LANCL3: variants seen among roughly 807,000 people sequenced by gnomAD.
LANCL3 encodes lanC-like protein 3.
LANCL3 carries 19 observed loss-of-function variants against 26.5 expected under a neutral mutation model. The observed-to-expected ratio is 0.72, with a 90% CI of 0.50 to 1.05. LANCL3 has a LOEUF of 1.05. LANCL3 is among the 50% of genes least tolerant of loss of function. The pLI is 0.00. For synonymous variants in LANCL3, 160 were observed against 166.6 expected, an observed-to-expected ratio of 0.96 and a Z score of 0.30; for missense variants, 318 against 362.7, an observed-to-expected ratio of 0.88 and a Z score of 1.00.
intron 4 of LANCL3, among the ~76,000 whole-genome samples, chrX:37,674,305 CTT>C (rs1424478302): frequency 8.9e-6 from 1 of 111,866 alleles, no homozygotes; most frequent in Admixed American, 9.5e-5. Flanking sequence ...TCATATTACT[CTT>C]GTTGCAGATA....
chrX:37,583,864 T>A (rs782506465), intron 1 of LANCL3, among the ~76,000 whole-genome samples: 102 of 111,550 alleles, frequency 9.1e-4, no homozygotes, highest in African/African-American at 2.6e-3. Flanking sequence ...GTTGAATAGG[T>A]GTGGTGAGAG....
At chrX:37,575,936 A>G (rs1420668816) in intron 1 of LANCL3, among the ~76,000 whole-genome samples, 2 of 112,556 alleles carry the variant, frequency 1.8e-5, no homozygotes, top group African/African-American at 3.2e-5. Context: ...TTGTAGAGAC[A>G]GTAATAGTTG....
At position 37,683,541 on chromosome X, in the gene LANCL3, T is replaced by C. The variant is rs1926988878; in HGVS notation, c.*7728T>C. 8.9e-6 allele frequency: 1 copy of C among 112,076 alleles called. No individual in the cohort carries two copies. Among genetic ancestry groups the C allele is most frequent in the Non-Finnish European group, 1.9e-5 (1 of 53,154 alleles). 9.2% of individuals were successfully genotyped at this position (112,076 alleles called of 1,213,427 possible). A position where few individuals can be genotyped will look rare whatever the true frequency, so the allele number is the denominator to read the frequency against. On this transcript the variant is annotated 3_prime_UTR_variant, in exon 5 of 5. Transcript: ENST00000378619. ...ACAGCACTTATCTGTTGTATACAAG[T>C]AAAATTTTGAAAGACTCGGACACAA...
intron 1 of LANCL3, among the ~76,000 whole-genome samples, chrX:37,647,960 T>C (rs1175798471): frequency 8.9e-6 from 1 of 112,506 alleles, no homozygotes; most frequent in Non-Finnish European, 1.9e-5. Context: ...GGTAAAATGT[T>C]TATAGCAAAA....
Position 37,614,734 on chromosome X carries a change from A to T in LANCL3, c.574-40954A>T, listed in dbSNP as rs375999890. Among the ~76,000 whole-genome samples the T allele has an allele frequency of 6.2e-5, 7 of 112,289 alleles. No individual in the cohort carries two copies. In the South Asian group the frequency reaches 1.1e-3, roughly 18 times the overall value. On this transcript the variant is annotated intron_variant, in intron 1 of 4. Transcript: ENST00000378619. ...AGTGGATACTTCTGAAAGACTTGTG[A>T]TTTTTAAAAACATGTGTACCACATA...
rs782541678 is a variant in LANCL3, at chrX:37,592,030, G to A, written c.573+19587G>A. On this transcript the variant is annotated intron_variant, in intron 1 of 4. Transcript: ENST00000378619. The stretch of plus-strand genomic sequence containing the variant: ...TTTGAGGCCCAAGGCACAGTCCAGG[G>A]CACAGTCAGTGGTACTTCACTGAAA... Among the ~76,000 whole-genome samples the A allele has an allele frequency of 6.0e-4, 67 of 111,271 alleles. 1 individual carries two copies. The highest frequency in any genetic ancestry group is 2.1e-3 in the African/African-American group (64 of 30,561).
At chrX:37,585,764 T>C (rs1556417858) in intron 1 of LANCL3, among the ~76,000 whole-genome samples, 1 of 111,891 alleles carries the variant, frequency 8.9e-6, no homozygotes, top group Admixed American at 9.4e-5. Flanking sequence ...TGCCGGTCTG[T>C]GTCTTTGAAT....
intron 4 of LANCL3, among the ~76,000 whole-genome samples, chrX:37,674,704 A>C (rs1407791594): frequency 8.9e-6 from 1 of 111,812 alleles, no homozygotes; most frequent in Non-Finnish European, 1.9e-5. Flanking sequence ...GTTTTCTGCT[A>C]ATTTATTTTA....
At chrX:37,602,767 TG>T (rs1569463538) in intron 1 of LANCL3, among the ~76,000 whole-genome samples, 1 of 111,260 alleles carries the variant, frequency 9.0e-6, no homozygotes, top group Non-Finnish European at 1.9e-5. Flanking sequence ...AATGCAATTT[TG>T]GTTGGAGGGG....
chrX:37,668,425 CT>C, intron 4 of LANCL3: 1 of 403,885 alleles, frequency 2.5e-6, no homozygotes, highest in Non-Finnish European at 4.5e-6. Flanking sequence ...GACAACATTG[CT>C]TTTAATAGAT....
intron 1 of LANCL3, among the ~76,000 whole-genome samples, chrX:37,652,161 G>GC (rs1401826464): frequency 1.8e-5 from 2 of 111,194 alleles, no homozygotes; most frequent in Non-Finnish European, 1.9e-5. Flanking sequence ...TGGGGGAGGG[G>GC]CAGGAGGTGT....
intron 1 of LANCL3, among the ~76,000 whole-genome samples, chrX:37,607,087 A>C (rs1349861565): frequency 3.6e-5 from 4 of 112,311 alleles, no homozygotes; most frequent in African/African-American, 1.3e-4. Context: ...GGATCATTTG[A>C]CTTTACCAGT....
intron 1 of LANCL3, among the ~76,000 whole-genome samples, chrX:37,603,484 G>A (rs1207012252): frequency 8.9e-6 from 1 of 112,183 alleles, no homozygotes; most frequent in African/African-American, 3.2e-5. Flanking sequence ...GAGCAGACCC[G>A]AAACCTCAAA....
intron 1 of LANCL3, among the ~76,000 whole-genome samples, chrX:37,594,382 A>T (rs1223034900): frequency 8.9e-6 from 1 of 112,295 alleles, no homozygotes; most frequent in East Asian, 2.8e-4. Flanking sequence ...TAGAAAATAG[A>T]AAACATTGCA....
intron 1 of LANCL3, among the ~76,000 whole-genome samples, chrX:37,631,596 G>T (rs1382280838): frequency 1.8e-5 from 2 of 110,582 alleles, no homozygotes; most frequent in Non-Finnish European, 3.8e-5. Context: ...TTTAGTCCTC[G>T]AAATTTCCCT....
intron 1 of LANCL3, among the ~76,000 whole-genome samples, chrX:37,632,761 T>G (rs782204687): frequency 0.033 from 3,662 of 111,608 alleles, 160 homozygotes; most frequent in African/African-American, 0.11. Context: ...TTCTTGTCTT[T>G]AAGAATGTTG....
chrX:37,614,014 C>T (rs1924945301), intron 1 of LANCL3, among the ~76,000 whole-genome samples: 1 of 112,053 alleles, frequency 8.9e-6, no homozygotes, highest in Non-Finnish European at 1.9e-5. Flanking sequence ...TTTACAAAAC[C>T]CCTAGTTGGA....
intron 1 of LANCL3, among the ~76,000 whole-genome samples, chrX:37,612,467 G>A (rs782149885): frequency 1.8e-5 from 2 of 111,744 alleles, no homozygotes; most frequent in African/African-American, 6.5e-5. Flanking sequence ...CAGCAACTTT[G>A]GGAAATTAGG....
At chrX:37,582,952 C>T (rs1459131439) in intron 1 of LANCL3, among the ~76,000 whole-genome samples, 1 of 111,768 alleles carries the variant, frequency 8.9e-6, no homozygotes, top group Non-Finnish European at 1.9e-5. Context: ...GGTTTTAGGT[C>T]TAACATTTAA....
Sources: allele counts gnomAD v4.1 joint callset (sites outside exome capture counted in the v4.1 genomes callset), GRCh38; gene constraint gnomAD v4.1.1; transcripts MANE v1.5; gene names NCBI Gene and HGNC (gene_info 2026-07-23, HGNC 2026-07-21).